Variants in FOXN3 observed in about 807,000 individuals in gnomAD.
FOXN3 encodes forkhead box protein N3.
Under a neutral mutation model 38.4 loss-of-function variants are expected in FOXN3, and 7 were observed. The observed-to-expected ratio is 0.18, with a 90% CI of 0.10 to 0.34. The LOEUF (loss-of-function observed/expected upper bound fraction) is 0.34. Among genes scored for constraint, FOXN3 ranks in the 10% least tolerant of loss-of-function variants. The probability of loss-of-function intolerance (pLI) is 1.00; values close to 1 mark genes in which losing one functional copy is unlikely to be tolerated. For missense variants in FOXN3, 456 were observed against 613.4 expected (o/e 0.74, Z 2.71); for synonymous variants, 230 against 242.2 (o/e 0.95, Z 0.47).
intron 4 of FOXN3, among the ~76,000 whole-genome samples, chr14:89,219,321 G>GT (rs1884381226): frequency 6.6e-6 from 1 of 152,162 alleles, no homozygotes; most frequent in Non-Finnish European, 1.5e-5. Context: ...TGCCACCATT[G>GT]TAAGTTTCCT....
At chr14:89,302,209 G>A (rs991478694) in intron 3 of FOXN3, among the ~76,000 whole-genome samples, 12 of 152,150 alleles carry the variant, frequency 7.9e-5, no homozygotes, top group Non-Finnish European at 1.5e-4. Context: ...TTCCTCTCCT[G>A]GAAGTGAACT....
intron 5 of FOXN3, among the ~76,000 whole-genome samples, 189 bp downstream of exon 5, chr14:89,180,512 G>A (rs764662634): frequency 5.9e-5 from 9 of 152,188 alleles, no homozygotes; most frequent in East Asian, 1.9e-4. Flanking sequence ...CTGGTGGCCC[G>A]AGAAAGAGAA....
intron 3 of FOXN3, among the ~76,000 whole-genome samples, chr14:89,297,024 A>T (rs964988270): frequency 2.6e-5 from 4 of 152,174 alleles, no homozygotes; most frequent in Non-Finnish European, 5.9e-5. Context: ...CAATCTATCC[A>T]TGGCCTTTGT....
At chr14:89,443,531 G>A (rs1388579781) in intron 1 of FOXN3, among the ~76,000 whole-genome samples, 1 of 152,178 alleles carries the variant, frequency 6.6e-6, no homozygotes, top group South Asian at 2.1e-4. Context: ...TGCCTGGGAG[G>A]AAGGGCAGAA....
intron 1 of FOXN3, among the ~76,000 whole-genome samples, chr14:89,529,851 C>G (rs569474617): frequency 6.6e-6 from 1 of 151,910 alleles, no homozygotes; most frequent in Non-Finnish European, 1.5e-5. Context: ...GAAGTTGCAG[C>G]GAGCTATGAG....
chr14:89,193,220 G>A (rs1233650386), intron 4 of FOXN3, among the ~76,000 whole-genome samples: 1 of 152,022 alleles, frequency 6.6e-6, no homozygotes, highest in South Asian at 2.1e-4. Context: ...TTTCTCGGTG[G>A]CCAGGAGGTT....
chr14:89,405,171 C>CTG (rs1891355718), intron 2 of FOXN3, among the ~76,000 whole-genome samples: 1 of 152,284 alleles, frequency 6.6e-6, no homozygotes, highest in African/African-American at 2.4e-5. Flanking sequence ...GAGTCTCACT[C>CTG]TGTCGCTCAG....
intron 1 of FOXN3, among the ~76,000 whole-genome samples, chr14:89,444,007 C>CCAA (rs1555354179): frequency 4.4e-5 from 3 of 67,634 alleles, no homozygotes; most frequent in South Asian, 1.4e-3. Flanking sequence ...GAAACTCTGT[C>CCAA]AAAAAAAAAA....
intron 3 of FOXN3, among the ~76,000 whole-genome samples, chr14:89,324,566 G>A (rs1185182113): frequency 1.3e-5 from 2 of 151,894 alleles, no homozygotes; most frequent in Non-Finnish European, 2.9e-5. Flanking sequence ...TACCCTTTGG[G>A]GAGAGAATAT....
intron 2 of FOXN3, among the ~76,000 whole-genome samples, chr14:89,408,761 A>C (rs971503024): frequency 2.6e-5 from 4 of 152,086 alleles, no homozygotes; most frequent in Non-Finnish European, 4.4e-5. Flanking sequence ...AATTCACTGC[A>C]TACAACTTGC....
At chr14:89,509,130 G>T (rs775840023) in intron 1 of FOXN3, among the ~76,000 whole-genome samples, 1 of 151,740 alleles carries the variant, frequency 6.6e-6, no homozygotes, top group Non-Finnish European at 1.5e-5. Flanking sequence ...TCTTGGAGTG[G>T]ACCAGGTCCC....
intron 4 of FOXN3, among the ~76,000 whole-genome samples, chr14:89,216,836 T>C (rs975981145): frequency 2.6e-5 from 4 of 152,196 alleles, no homozygotes; most frequent in Non-Finnish European, 5.9e-5. Context: ...ATCCTCATTG[T>C]TCCCTGCTGC....
chr14:89,589,606 C>A (rs1343172548), intron 1 of FOXN3, among the ~76,000 whole-genome samples: 1 of 151,870 alleles, frequency 6.6e-6, no homozygotes. Flanking sequence ...CCGCACCATG[C>A]AGCATGAATC....
chr14:89,391,635 T>C (rs978359482), intron 2 of FOXN3, among the ~76,000 whole-genome samples: 8 of 152,132 alleles, frequency 5.3e-5, no homozygotes, highest in Non-Finnish European at 1.2e-4. Context: ...GCATGAAAAA[T>C]AAGCGACAGT....
chr14:89,223,173 T>C (rs905295858), intron 4 of FOXN3: 6 of 152,298 alleles, frequency 3.9e-5, no homozygotes, highest in African/African-American at 1.4e-4. Context: ...GAGGCACAAG[T>C]TGAGTTGAGC....
chr14:89,470,586 G>C (rs1893073465), intron 1 of FOXN3, among the ~76,000 whole-genome samples: 2 of 152,192 alleles, frequency 1.3e-5, no homozygotes, highest in Non-Finnish European at 2.9e-5. Flanking sequence ...TTCTCTCTGA[G>C]ATATTTTTTA....
intron 1 of FOXN3, among the ~76,000 whole-genome samples, chr14:89,613,048 C>T (rs1216067762): frequency 7.8e-6 from 1 of 127,436 alleles, no homozygotes; most frequent in Admixed American, 9.4e-5. Context: ...ACCCAGGAGG[C>T]GGAGGTTGCA....
intron 1 of FOXN3, among the ~76,000 whole-genome samples, chr14:89,551,909 C>T (rs1895012327): frequency 6.6e-6 from 1 of 152,118 alleles, no homozygotes; most frequent in Non-Finnish European, 1.5e-5. Context: ...AATCTCACGC[C>T]ACAGCAAAAA....
intron 1 of FOXN3, among the ~76,000 whole-genome samples, chr14:89,516,190 T>C (rs572159178): frequency 8.3e-4 from 126 of 152,342 alleles, no homozygotes; most frequent in African/African-American, 2.9e-3. Flanking sequence ...GCGCAGATAC[T>C]ATATGTGCAG....
Sources: gnomAD v4.1 joint callset for allele counts (sites outside exome capture counted in the v4.1 genomes callset) on GRCh38, gnomAD v4.1.1 for gene constraint, MANE v1.5 for transcripts, NCBI Gene and HGNC (gene_info 2026-07-23, HGNC 2026-07-21) for gene names.